CTNNA2: variants seen among roughly 807,000 people sequenced by gnomAD.
CTNNA2 encodes the protein catenin alpha 2.
Under a neutral mutation model 101.0 loss-of-function variants are expected in CTNNA2, and 42 were observed. That is an observed-to-expected ratio of 0.42 (90% CI 0.32 to 0.54). CTNNA2 has a LOEUF of 0.54. Ranked by LOEUF, CTNNA2 falls within the 20% of genes least tolerant of loss-of-function variation. The pLI, the probability that CTNNA2 is intolerant of heterozygous loss-of-function variation, is 0.14. For missense variants in CTNNA2, 871 were observed against 1,223.1 expected (o/e 0.71, Z 4.29); for synonymous variants, 450 against 456.4 (o/e 0.99, Z 0.18).
intron 2 of CTNNA2, among the ~76,000 whole-genome samples, chr2:79,714,269 A>T (rs1383306218): frequency 6.6e-6 from 1 of 152,114 alleles, no homozygotes; most frequent in East Asian, 1.9e-4. Context: ...CTGAACACTT[A>T]ACAATTATTG....
At chr2:80,554,046 C>A (rs889007440) in intron 11 of CTNNA2, among the ~76,000 whole-genome samples, 12 of 152,100 alleles carry the variant, frequency 7.9e-5, no homozygotes, top group Non-Finnish European at 1.8e-4. Flanking sequence ...ATGTAGAAAT[C>A]AGCAATTTAT....
chr2:79,261,444 T>C (rs182239237), intron 2 of CTNNA2, among the ~76,000 whole-genome samples: 1 of 152,360 alleles, frequency 6.6e-6, no homozygotes, highest in Admixed American at 6.5e-5. Context: ...GTTGGTGTAT[T>C]CATCTGCTAT....
At position 79,338,575 on chromosome 2, in the gene CTNNA2, A is replaced by ATCTTCTTCTTCTTCTTCTTCTTCT. The variant is rs1239699778; in HGVS notation, c.-318+25781_-318+25782insTTCTTCTTCTTCTTCTTCTTCTTC. On this transcript the variant is annotated intron_variant, in intron 3 of 21. Coordinates refer to the CTNNA2 transcript ENST00000466387. ...ATTTTTCTTCTTCTTCTTCCTCCTCATCATCTTCTTCTTCTTCTTCTTCTT... is the reference window on the plus strand; with the variant it reads ...ATTTTTCTTCTTCTTCTTCCTCCTCATCTTCTTCTTCTTCTTCTTCTTCTTCATCTTCTTCTTCTTCTTCTTCTT... 1.1e-3 allele frequency among the ~76,000 whole-genome samples: 127 copies of ATCTTCTTCTTCTTCTTCTTCTTCT among 115,514 alleles called. 2 individuals are homozygous for ATCTTCTTCTTCTTCTTCTTCTTCT. The highest frequency in any genetic ancestry group is 1.6e-3 in the Admixed American group (17 of 10,752). The allele number at this position is 115,514 out of a possible 152,430, so 75.8% of individuals were successfully genotyped here. A position where few individuals can be genotyped will look rare whatever the true frequency, so the allele number is the denominator to read the frequency against.
At position 80,563,112 on chromosome 2, in the gene CTNNA2, G is replaced by T. The variant is rs150030823; in HGVS notation, c.1741+7219G>T. The stretch of plus-strand genomic sequence containing the variant: ...CATGGATTCAGAATCCTGGGAACTG[G>T]AGAGTACATGTGCTTCTTTGTCACT... On this transcript the variant is annotated intron_variant, in intron 12 of 18. Coordinates refer to ENST00000402739, the MANE Select transcript of CTNNA2 (RefSeq NM_001282597.3). Among the ~76,000 whole-genome samples the T allele has an allele frequency of 2.7e-3, 404 of 152,044 alleles. 3 individuals carry two copies. Among genetic ancestry groups the T allele is most frequent in the African/African-American group, 9.0e-3 (375 of 41,472 alleles).
At chr2:79,839,202 A>C (rs1378457512) in intron 3 of CTNNA2, among the ~76,000 whole-genome samples, 2 of 152,080 alleles carry the variant, frequency 1.3e-5, no homozygotes, top group Non-Finnish European at 2.9e-5. Context: ...ATAAAATTAA[A>C]GTTTGCCAAT....
chr2:80,580,748 C>G (rs1018126794), intron 13 of CTNNA2, among the ~76,000 whole-genome samples: 3 of 152,160 alleles, frequency 2.0e-5, no homozygotes, highest in Admixed American at 1.3e-4. Flanking sequence ...GGCACAGTGA[C>G]TCATGCTTGT....
At chr2:79,278,910 A>G (rs917485157) in intron 2 of CTNNA2, among the ~76,000 whole-genome samples, 11 of 152,094 alleles carry the variant, frequency 7.2e-5, no homozygotes, top group African/African-American at 2.7e-4. Flanking sequence ...AAAGGAGAAC[A>G]AGAAGATGGG....
chr2:79,753,305 T>C (rs1472573852), intron 3 of CTNNA2, among the ~76,000 whole-genome samples: 1 of 152,174 alleles, frequency 6.6e-6, no homozygotes, highest in Non-Finnish European at 1.5e-5. Flanking sequence ...TCACATACGG[T>C]AGTCAGTAAT....
chr2:80,157,396 A>G (rs920054951), intron 7 of CTNNA2, among the ~76,000 whole-genome samples: 1 of 152,086 alleles, frequency 6.6e-6, no homozygotes, highest in Non-Finnish European at 1.5e-5. Context: ...CCTGAACTTC[A>G]AGGGGAATTT....
rs546372835 is a variant in CTNNA2 at position 80,456,764 on chromosome 2, G to A, written c.1290+37163G>A. 1.2e-3 allele frequency among the ~76,000 whole-genome samples: 180 copies of A among 152,236 alleles called. 2 individuals carry two copies. The highest frequency in any genetic ancestry group is 4.0e-3 in the African/African-American group (168 of 41,542). On this transcript the variant is annotated intron_variant, in intron 9 of 18. Transcript: ENST00000402739. Reference sequence around the variant, plus strand: ...ATAATAGATACCTTATTGGGCACCTGAGGGAATTAGATGAGAAAAGGTACA... The same window carrying A: ...ATAATAGATACCTTATTGGGCACCTAAGGGAATTAGATGAGAAAAGGTACA...
chr2:79,507,096 A>C (rs1573201201), intron 5 of CTNNA2, among the ~76,000 whole-genome samples: 1 of 152,184 alleles, frequency 6.6e-6, no homozygotes, highest in South Asian at 2.1e-4. Flanking sequence ...TGGTTAATTC[A>C]GCAATTGACT....
chr2:79,446,999 G>T (rs1248999928), intron 4 of CTNNA2, among the ~76,000 whole-genome samples: 2 of 151,968 alleles, frequency 1.3e-5, no homozygotes. Flanking sequence ...ATAAATAATG[G>T]CCTGAATATA....
chr2:80,494,137 G>A (rs893156447), intron 9 of CTNNA2, among the ~76,000 whole-genome samples: 3 of 152,174 alleles, frequency 2.0e-5, no homozygotes, highest in Non-Finnish European at 4.4e-5. Flanking sequence ...CGTAATAAAG[G>A]AGGCATTGGA....
intron 1 of CTNNA2, among the ~76,000 whole-genome samples, chr2:79,617,194 G>A (rs1332577718): frequency 2.6e-5 from 4 of 152,112 alleles, no homozygotes; most frequent in African/African-American, 4.8e-5. Context: ...GAGCCATCGC[G>A]TTCAGCCCTA....
intron 7 of CTNNA2, among the ~76,000 whole-genome samples, chr2:80,010,251 A>T (rs1693678316): frequency 6.6e-6 from 1 of 152,184 alleles, no homozygotes; most frequent in African/African-American, 2.4e-5. Context: ...TAGAAGACTG[A>T]GACAGAACTC....
intron 3 of CTNNA2, among the ~76,000 whole-genome samples, chr2:79,799,929 A>C (rs1296205878): frequency 6.6e-6 from 1 of 152,222 alleles, no homozygotes; most frequent in African/African-American, 2.4e-5. Context: ...CATTTTGCTT[A>C]GAGGGGAAAA....
At chr2:80,296,858 C>G (rs1675792004) in intron 7 of CTNNA2, among the ~76,000 whole-genome samples, 1 of 152,156 alleles carries the variant, frequency 6.6e-6, no homozygotes, top group Non-Finnish European at 1.5e-5. Flanking sequence ...TCTCCAGACA[C>G]AAACAAGTAA....
chr2:79,450,098 A>G (rs17017148), intron 4 of CTNNA2, among the ~76,000 whole-genome samples: 3,227 of 152,010 alleles, frequency 0.021, 56 homozygotes, highest in African/African-American at 0.04. Context: ...CCAGAATGAT[A>G]AGGTCTCAGA....
intron 1 of CTNNA2, among the ~76,000 whole-genome samples, chr2:79,620,295 C>G (rs1166172708): frequency 6.6e-6 from 1 of 152,152 alleles, no homozygotes; most frequent in Non-Finnish European, 1.5e-5. Flanking sequence ...CCTTCACATG[C>G]TCAAACACAC....
Sources: allele counts gnomAD v4.1 joint callset (sites outside exome capture counted in the v4.1 genomes callset), GRCh38; gene constraint gnomAD v4.1.1; transcripts MANE v1.5; gene names NCBI Gene and HGNC (gene_info 2026-07-23, HGNC 2026-07-21).